NTM: variants seen among roughly 807,000 people sequenced by gnomAD.
NTM encodes the protein IgLON family member 2.
A neutral mutation model predicts 42.1 loss-of-function variants in NTM; 13 were observed. The ratio of observed to expected loss-of-function variants is 0.31; its 90% confidence interval spans 0.20 to 0.49. The LOEUF is 0.49. Ranked by LOEUF, NTM falls within the 20% of genes least tolerant of loss-of-function variation. NTM has a pLI of 0.99. For synonymous variants in NTM, 187 were observed against 179.2 expected (o/e 1.04, Z -0.35); for missense variants, 373 against 452.8 (o/e 0.82, Z 1.60).
chr11:131,576,393 T>C (rs889775547), intron 1 of NTM, among the ~76,000 whole-genome samples: 1 of 152,226 alleles, frequency 6.6e-6, no homozygotes, highest in Non-Finnish European at 1.5e-5. Context: ...CCTCCTTTTC[T>C]GGTTCCCCAT....
At chr11:132,281,200 GGCTGCGTTTTGATTA>G (rs1251238058) in intron 4 of NTM, among the ~76,000 whole-genome samples, 1 of 152,184 alleles carries the variant, frequency 6.6e-6, no homozygotes, top group Non-Finnish European at 1.5e-5. Flanking sequence ...TTCAGAGCAT[GGCTGCGTTTTGATTA>G]GCTAAATTTT....
intron 1 of NTM, among the ~76,000 whole-genome samples, chr11:131,818,952 C>T (rs1375349355): frequency 1.3e-5 from 2 of 152,212 alleles, no homozygotes; most frequent in African/African-American, 4.8e-5. Context: ...CAAGGTCACA[C>T]AGCTGTCAAA....
intron 3 of NTM, among the ~76,000 whole-genome samples, chr11:132,153,514 A>T (rs2072461251): frequency 6.6e-6 from 1 of 152,222 alleles, no homozygotes; most frequent in Non-Finnish European, 1.5e-5. Flanking sequence ...AAGGTCACCC[A>T]TACAGAGTGT....
At chr11:131,911,322 G>T in intron 1 of NTM, 1 of 1,466,074 alleles carries the variant, frequency 6.8e-7, no homozygotes, top group African/African-American at 1.4e-5. Context: ...TATTAGACTC[G>T]GAGGAGTCTG....
chr11:132,037,373 C>A (rs1291970416), intron 2 of NTM, among the ~76,000 whole-genome samples: 1 of 152,148 alleles, frequency 6.6e-6, no homozygotes, highest in East Asian at 1.9e-4. Flanking sequence ...GTGCTGCCTG[C>A]AGTACCATGA....
chr11:132,210,402 C>G (rs1298347151), intron 3 of NTM, among the ~76,000 whole-genome samples: 1 of 152,192 alleles, frequency 6.6e-6, no homozygotes, highest in Non-Finnish European at 1.5e-5. Flanking sequence ...CCTTGAATAA[C>G]CATTATCACT....
chr11:131,880,479 G>C (rs2049288968), intron 1 of NTM, among the ~76,000 whole-genome samples: 1 of 152,244 alleles, frequency 6.6e-6, no homozygotes, highest in African/African-American at 2.4e-5. Flanking sequence ...CTAGCTTAAA[G>C]CTGAGGAAGA....
intron 1 of NTM, among the ~76,000 whole-genome samples, chr11:131,850,157 A>C (rs1407989379): frequency 6.6e-6 from 1 of 152,134 alleles, no homozygotes; most frequent in Non-Finnish European, 1.5e-5. Flanking sequence ...CATTCCATTG[A>C]CAGGTAAAAT....
chr11:132,210,547 G>T (rs2082670372), intron 3 of NTM, among the ~76,000 whole-genome samples: 2 of 152,194 alleles, frequency 1.3e-5, no homozygotes, highest in South Asian at 4.1e-4. Context: ...TAACTGTCTA[G>T]AATTGGAGTG....
intron 6 of NTM, among the ~76,000 whole-genome samples, chr11:132,311,830 A>G (rs2095289774): frequency 6.6e-6 from 1 of 152,190 alleles, no homozygotes; most frequent in Non-Finnish European, 1.5e-5. Context: ...TGGCGAGTAA[A>G]AGGATGAGAG....
At chr11:131,913,833 A>G (rs1476762900) in intron 2 of NTM, among the ~76,000 whole-genome samples, 1 of 152,164 alleles carries the variant, frequency 6.6e-6, no homozygotes, top group Non-Finnish European at 1.5e-5. Context: ...CTGACACTCA[A>G]GAGAAAGGCC....
At chr11:132,111,897 G>A (rs2063255239) in intron 2 of NTM, among the ~76,000 whole-genome samples, 1 of 152,258 alleles carries the variant, frequency 6.6e-6, no homozygotes, top group African/African-American at 2.4e-5. Context: ...GGTTGTCAGT[G>A]ATTCGTGCTT....
intron 4 of NTM, among the ~76,000 whole-genome samples, chr11:132,282,296 C>T (rs1451989018): frequency 9.9e-5 from 15 of 152,116 alleles, no homozygotes; most frequent in Admixed American, 9.8e-4. Flanking sequence ...TGAAATATTC[C>T]TCAGAAATTC....
intron 1 of NTM, among the ~76,000 whole-genome samples, chr11:131,429,340 G>A (rs537397677): frequency 5.4e-4 from 82 of 152,188 alleles, no homozygotes; most frequent in African/African-American, 1.9e-3. Context: ...GTGTGCACAA[G>A]GACCCCCCGC....
intron 2 of NTM, among the ~76,000 whole-genome samples, chr11:132,104,228 G>T (rs952943003): frequency 4.6e-5 from 7 of 152,110 alleles, no homozygotes; most frequent in Admixed American, 3.9e-4. Flanking sequence ...CTGTTATGGT[G>T]CATGCAACAG....
At chr11:131,494,208 A>G (rs1186523272) in intron 1 of NTM, among the ~76,000 whole-genome samples, 1 of 152,144 alleles carries the variant, frequency 6.6e-6, no homozygotes, top group Non-Finnish European at 1.5e-5. Flanking sequence ...CAGTTTTCCA[A>G]TAAAACTTTG....
chr11:132,100,033 C>T (rs1410622254), intron 2 of NTM, among the ~76,000 whole-genome samples: 4 of 152,110 alleles, frequency 2.6e-5, no homozygotes, highest in South Asian at 2.1e-4. Context: ...GGACTAAAAT[C>T]GTGAACAAAA....
At chr11:131,962,396 T>C (rs1216349287) in intron 2 of NTM, among the ~76,000 whole-genome samples, 2 of 152,150 alleles carry the variant, frequency 1.3e-5, no homozygotes, top group African/African-American at 4.8e-5. Flanking sequence ...TTTTGGGAGA[T>C]GGGGACTTTG....
intron 1 of NTM, among the ~76,000 whole-genome samples, chr11:131,586,659 T>C (rs973619098): frequency 2.6e-5 from 4 of 151,658 alleles, no homozygotes; most frequent in Non-Finnish European, 4.4e-5. Context: ...CCCCAGAAAC[T>C]GTGAGATAAT....
Sources: allele counts gnomAD v4.1 joint callset (sites outside exome capture counted in the v4.1 genomes callset), GRCh38; gene constraint gnomAD v4.1.1; transcripts MANE v1.5; gene names NCBI Gene and HGNC (gene_info 2026-07-23, HGNC 2026-07-21).